The following FCN1 variants were observed in gnomAD, a reference collection of about 807,000 sequenced individuals.
The protein encoded by FCN1 is ficolin 1.
Under a neutral mutation model 35.6 loss-of-function variants are expected in FCN1, and 42 were observed. The ratio of observed to expected loss-of-function variants is 1.18; its 90% confidence interval spans 0.92 to 1.53. The LOEUF is 1.53. Ranked by LOEUF, FCN1 falls within the 40% of genes most tolerant of loss-of-function variation. The pLI, the probability that FCN1 is intolerant of heterozygous loss-of-function variation, is 0.00. For synonymous variants in FCN1, 179 were observed against 169.8 expected (o/e 1.05, Z -0.42); for missense variants, 439 against 428.4 (o/e 1.02, Z -0.22).
intron 2 of FCN1, among the ~76,000 whole-genome samples, chr9:134,916,140 T>C (rs1831088434): frequency 6.6e-6 from 1 of 152,202 alleles, no homozygotes; most frequent in South Asian, 2.1e-4. Flanking sequence ...TGTGAGCTCA[T>C]GAAATAGTTA....
At chr9:134,913,181 G>A (rs768784039) in intron 5 of FCN1, 38 bp from the exon 6 acceptor site, 1 of 1,610,478 alleles carries the variant, frequency 6.2e-7, no homozygotes, top group Non-Finnish European at 8.5e-7. Context: ...CAGGACGGGG[G>A]CCCTGGGCAG....
In FCN1 at chr9:134,903,286, T is replaced by C. The variant is rs551478699; in HGVS notation, c.*6512A>G. On this transcript the variant is annotated 3_prime_UTR_variant, in exon 9 of 9. Coordinates refer to ENST00000371806, the MANE Select transcript of FCN1 (RefSeq NM_002003.5). ...AATCTATTTTTTATATATAGACTTT[T>C]CAGTAGACAACAGCATAAAACATAT... is the stretch of plus-strand genomic sequence containing the variant. 6.6e-6 allele frequency among the ~76,000 whole-genome samples: 1 copy of C among 152,196 alleles called. No homozygotes were observed. The highest frequency in any genetic ancestry group is 2.4e-5 in the African/African-American group (1 of 41,446).
chr9:134,915,878 G>A (rs1017760664), intron 2 of FCN1, among the ~76,000 whole-genome samples: 31 of 152,262 alleles, frequency 2.0e-4, no homozygotes, highest in African/African-American at 7.2e-4. Flanking sequence ...CTCAGGATTC[G>A]GGTGCCCTCT....
Position 134,908,987 on chromosome 9 carries a change from C to T in FCN1, c.*811G>A, listed in dbSNP as rs1830987086. ...CACACTTGCCACATTCCCTTTGATG[C>T]TTCTTAGGTCGTGGTTGAGAAATCT... On this transcript the variant is annotated 3_prime_UTR_variant, in exon 9 of 9. Transcript: ENST00000371806. 9.0e-6 allele frequency: 3 copies of T among 333,072 alleles called. No individual in the cohort carries two copies. Among genetic ancestry groups the T allele is most frequent in the South Asian group, 7.3e-5 (3 of 41,274 alleles). 20.6% of individuals were successfully genotyped at this position (333,072 alleles called of 1,614,324 possible).
chr9:134,914,286 A>T, intron 4 of FCN1, 99 bp downstream of exon 4: 1 of 1,061,026 alleles, frequency 9.4e-7, no homozygotes, highest in Non-Finnish European at 1.5e-6. Context: ...GCCTGGATTG[A>T]CAGGGACGTG....
chr9:134,909,803 C>A lies in FCN1; in HGVS notation c.976G>T (p.Ala326Ser), dbSNP rs761311523. 1 of 1,613,056 alleles carries A rather than the reference C, an allele frequency of 6.2e-7. No homozygotes were observed. Among genetic ancestry groups the A allele is most frequent in the South Asian group, 1.1e-5 (1 of 91,040 alleles). Reference sequence around the variant, plus strand: ...GTGGAGGGGTCCTGGCCCGTCTAGGCGGGCCGCACCTTCATCTCTGACACC... The same window carrying A: ...GTGGAGGGGTCCTGGCCCGTCTAGGAGGGCCGCACCTTCATCTCTGACACC... ...YKVSEMKVRP[A>S] Residue 326 changes from alanine to serine, a missense_variant, in exon 9 of 9, where the codon GCC becomes TCC. By Grantham distance (99) the Ala-to-Ser change is moderately conservative. Transcript: ENST00000371806.
In FCN1 at chr9:134,914,743, G is replaced by A. The variant is rs1831070550; in HGVS notation, c.271+13C>T. On this transcript the variant is annotated intron_variant, in intron 3 of 8. Transcript: ENST00000371806. ...CCTGCTCAAGGCCTCCTCGCTGTCT[G>A]TCCCCTGGTTACCTTTGGGCCCCAC... 2 of 1,606,142 alleles carry A rather than the reference G, an allele frequency of 1.2e-6. No homozygotes were observed. The highest frequency in any genetic ancestry group is 1.1e-5 in the South Asian group (1 of 90,146).
At position 134,912,605 on chromosome 9, in the gene FCN1, C is replaced by T. The variant is rs149174244; in HGVS notation, c.479G>A (p.Arg160Gln). 84 of 1,614,030 alleles carry T rather than the reference C, an allele frequency of 5.2e-5. 1 individual carries two copies. In the Admixed American group the frequency reaches 5.5e-4, roughly 11 times the overall value. The change falls in exon 7 of 9, where the codon CGG (arginine) becomes CAG (glutamine). Residue 160 changes from arginine (R) to glutamine (Q), a missense_variant. Arg to Gln is a conservative substitution (Grantham distance 43, BLOSUM62 1). Coordinates refer to ENST00000371806, the MANE Select transcript of FCN1 (RefSeq NM_002003.5). ...GAAGTCCACAGAGCCATCCATCCTCCGCTGGAAAACCTGTGAAGAAGCCAG... is the reference window on the plus strand; with the variant it reads ...GAAGTCCACAGAGCCATCCATCCTCTGCTGGAAAACCTGTGAAGAAGCCAG... ...TDGGGWTVFQ[R>Q]RMDGSVDFYR...
Position 134,905,810 on chromosome 9 carries a change from CTCTTCT to C in FCN1, c.*3982_*3987del, listed in dbSNP as rs1186494371. 12 of 53,884 alleles carry C rather than the reference CTCTTCT, an allele frequency of 2.2e-4. No individual in the cohort carries two copies. Among genetic ancestry groups the C allele is most frequent in the Admixed American group, 5.6e-4 (4 of 7,180 alleles). The allele number at this position is 53,884 out of a possible 1,614,324, so 3.3% of individuals were successfully genotyped here. On this transcript the variant is annotated 3_prime_UTR_variant, in exon 9 of 9. Coordinates refer to ENST00000371806, the MANE Select transcript of FCN1 (RefSeq NM_002003.5). ...CTGCTGCTGCTTCTTCTTCTTCTTC[CTCTTCT>C]TCTTCTTCTTCCTCTTCCTCTTCCT...
At chr9:134,914,900 T>A (rs1831072393) in intron 2 of FCN1, 91 bp from the exon 3 acceptor site, 1 of 939,382 alleles carries the variant, frequency 1.1e-6, no homozygotes, top group Non-Finnish European at 1.7e-6. Flanking sequence ...GTCCTGACCC[T>A]CCCCCACTCT....
Position 134,903,680 on chromosome 9 carries a change from A to C in FCN1, c.*6118T>G, listed in dbSNP as rs1190620286. On this transcript the variant is annotated 3_prime_UTR_variant, in exon 9 of 9. Transcript: ENST00000371806. The stretch of plus-strand genomic sequence containing the variant: ...AATCAAAACCCTCCAAGTGTGCCAA[A>C]AAACTAAGATTAAAAAGAAACAAAA... Among the ~76,000 whole-genome samples, 2 of 152,170 alleles carry C rather than the reference A, an allele frequency of 1.3e-5. No individual in the cohort carries two copies. The highest frequency in any genetic ancestry group is 2.9e-5 in the Non-Finnish European group (2 of 68,024).
intron 3 of FCN1, 25 bp downstream of exon 3, chr9:134,914,731 T>A (rs759917259): frequency 6.3e-7 from 1 of 1,593,938 alleles, no homozygotes; most frequent in Admixed American, 1.7e-5. Flanking sequence ...GCTCAAGGCC[T>A]CCTCGCTGTC....
chr9:134,917,096 A>C (rs1831101302), intron 1 of FCN1, among the ~76,000 whole-genome samples: 1 of 152,222 alleles, frequency 6.6e-6, no homozygotes, highest in Non-Finnish European at 1.5e-5. Context: ...GAGACCATGG[A>C]ACGGAGCAGT....
Position 134,914,015 on chromosome 9 carries a change from GC to G in FCN1, c.307+369del, listed in dbSNP as rs530599192. Reference sequence around the variant, plus strand: ...GGTATCGGCGGACCCTCAGCCCCCGGCTCCGGTTTTCATTTGTGTTTGTGGG... The same window carrying G: ...GGTATCGGCGGACCCTCAGCCCCCGGTCCGGTTTTCATTTGTGTTTGTGGG... On this transcript the variant is annotated intron_variant, in intron 4 of 8. Coordinates refer to ENST00000371806, the MANE Select transcript of FCN1 (RefSeq NM_002003.5). Among the ~76,000 whole-genome samples the G allele has an allele frequency of 2.8e-3, 424 of 152,324 alleles. 2 individuals carry two copies. The highest frequency in any genetic ancestry group is 9.3e-3 in the African/African-American group (388 of 41,582).
At chr9:134,910,528 G>A (rs1445180628) in intron 8 of FCN1, among the ~76,000 whole-genome samples, 9 of 152,170 alleles carry the variant, frequency 5.9e-5, no homozygotes, top group Non-Finnish European at 1.3e-4. Flanking sequence ...TGCAAAATGG[G>A]GGTGACCTTC....
chr9:134,913,287 G>T, intron 5 of FCN1, 144 bp from the exon 6 acceptor site: 1 of 1,146,760 alleles, frequency 8.7e-7, no homozygotes. Flanking sequence ...CAGGGACACG[G>T]CCCCCAGGGC....
rs1047923512 is a variant in FCN1 at position 134,908,886 on chromosome 9, T to A, written c.*912A>T. ...AACTAAAGATTTGTGTGCCGCACGT[T>A]GATTCTGCCCCTCTGGCCTTCCTTT... On this transcript the variant is annotated 3_prime_UTR_variant, in exon 9 of 9. Transcript: ENST00000371806. 2.8e-4 allele frequency: 63 copies of A among 221,118 alleles called. No individual in the cohort carries two copies. Among genetic ancestry groups the A allele is most frequent in the Middle Eastern group, 3.7e-3 (2 of 540 alleles). The allele number at this position is 221,118 out of a possible 1,614,324, so 13.7% of individuals were successfully genotyped here.
rs180748765 is a variant in FCN1, at chr9:134,912,941, G to A, written c.468+75C>T. On this transcript the variant is annotated intron_variant, in intron 6 of 8. Transcript: ENST00000371806. ...CCAGGGGAATAGAGAATTCCAGAGTGTGTTCTACAACCAGGTGTGCAGCCT... is the reference window on the plus strand; with the variant it reads ...CCAGGGGAATAGAGAATTCCAGAGTATGTTCTACAACCAGGTGTGCAGCCT... 35 of 1,562,508 alleles carry A rather than the reference G, an allele frequency of 2.2e-5. No homozygotes were observed. In the African/African-American group the frequency reaches 4.3e-4, roughly 19 times the overall value.
At position 134,917,832 on chromosome 9, in the gene FCN1, C is replaced by G. The variant is rs138985629; in HGVS notation, c.40G>C (p.Val14Leu). 2.5e-5 allele frequency: 40 copies of G among 1,614,004 alleles called. No individual in the cohort carries two copies. In the African/African-American group the frequency reaches 4.9e-4, roughly 20 times the overall value. The change falls in exon 1 of 9, where the codon GTC becomes CTC. Residue 14 changes from valine to leucine, a missense_variant. Val to Leu is a conservative substitution (Grantham distance 32). Coordinates refer to ENST00000371806, the MANE Select transcript of FCN1 (RefSeq NM_002003.5). ...ATATGCAGGAACAAGACTAGCAGGA[C>G]AGCGAGCCCCCGGGCCATGGTGGCT... Reference protein sequence around the residue: ...SGATMARGLAVLLVLFLHIKN... With the variant: ...SGATMARGLALLLVLFLHIKN...
Sources: allele counts gnomAD v4.1 joint callset (sites outside exome capture counted in the v4.1 genomes callset), GRCh38; gene constraint gnomAD v4.1.1; transcripts MANE v1.5; gene names NCBI Gene and HGNC (gene_info 2026-07-23, HGNC 2026-07-21).